NKAIN2: variants seen among roughly 807,000 people sequenced by gnomAD.
NKAIN2 encodes sodium/potassium transporting ATPase interacting 2, also known as sodium/potassium-transporting ATPase subunit beta-1-interacting protein 2.
NKAIN2 carries 14 observed loss-of-function variants against 32.6 expected under a neutral mutation model. The observed-to-expected ratio is 0.43, with a 90% CI of 0.28 to 0.67. The LOEUF (loss-of-function observed/expected upper bound fraction) is 0.67, where lower values mean the gene tolerates loss of function less well. Among genes scored for constraint, NKAIN2 ranks in the 30% least tolerant of loss-of-function variants. NKAIN2 has a pLI of 0.17. For missense variants in NKAIN2, 198 were observed against 258.3 expected, an observed-to-expected ratio of 0.77 and a Z score of 1.60; for synonymous variants, 80 against 87.2, an observed-to-expected ratio of 0.92 and a Z score of 0.46.
chr6:123,991,610 C>T (rs559278141), intron 1 of NKAIN2, among the ~76,000 whole-genome samples: 2 of 152,178 alleles, frequency 1.3e-5, no homozygotes, highest in East Asian at 3.9e-4. Flanking sequence ...TGCCTGTAAT[C>T]CCAGCACTTT....
chr6:124,606,355 AAG>A (rs967709662), intron 3 of NKAIN2, among the ~76,000 whole-genome samples: 1 of 152,060 alleles, frequency 6.6e-6, no homozygotes, highest in Non-Finnish European at 1.5e-5. Context: ...TACAGAGAGA[AAG>A]AGTAGAAGTG....
intron 1 of NKAIN2, chr6:123,828,813 G>T (rs1333894930): frequency 6.6e-6 from 1 of 152,260 alleles, no homozygotes; most frequent in Non-Finnish European, 1.5e-5. Flanking sequence ...CCTTACCCCA[G>T]CTGGCCTTGC....
chr6:124,301,152 T>C (rs751525921), intron 2 of NKAIN2, among the ~76,000 whole-genome samples: 12 of 152,072 alleles, frequency 7.9e-5, no homozygotes, highest in Non-Finnish European at 1.8e-4. Context: ...CTGCCCTACA[T>C]CCTAGTCACT....
chr6:123,961,630 T>C (rs1777857450), intron 1 of NKAIN2, among the ~76,000 whole-genome samples: 2 of 152,176 alleles, frequency 1.3e-5, no homozygotes, highest in Admixed American at 6.6e-5. Flanking sequence ...AAGGTTGTAT[T>C]GGAGAGATAA....
chr6:124,028,777 A>T (rs1440033840), intron 1 of NKAIN2, among the ~76,000 whole-genome samples: 3 of 147,244 alleles, frequency 2.0e-5, no homozygotes, highest in South Asian at 2.1e-4. Context: ...GTGTATATAC[A>T]TATATACGCA....
intron 1 of NKAIN2, among the ~76,000 whole-genome samples, chr6:123,919,415 G>T (rs7742038): frequency 0.33 from 49,711 of 151,848 alleles, 9,011 homozygotes; most frequent in East Asian, 0.64. Context: ...AGACAGAAAA[G>T]AAATTTTTAT....
intron 1 of NKAIN2, among the ~76,000 whole-genome samples, chr6:124,000,457 A>G (rs528753797): frequency 2.0e-5 from 3 of 152,204 alleles, no homozygotes; most frequent in Admixed American, 6.5e-5. Flanking sequence ...AAATTATAGT[A>G]AGAGTTTGAG....
chr6:124,139,121 G>A (rs370598810), intron 1 of NKAIN2, among the ~76,000 whole-genome samples: 22 of 120,836 alleles, frequency 1.8e-4, no homozygotes, highest in Non-Finnish European at 2.1e-4. Flanking sequence ...TCGCTCTGTC[G>A]CCCAGGCCGG....
chr6:124,674,582 T>G (rs966894871), intron 4 of NKAIN2, among the ~76,000 whole-genome samples: 1 of 152,020 alleles, frequency 6.6e-6, no homozygotes, highest in Non-Finnish European at 1.5e-5. Context: ...ATATCATTTG[T>G]TAAGTTTATT....
intron 4 of NKAIN2, among the ~76,000 whole-genome samples, chr6:124,729,752 A>G (rs1776558417): frequency 6.6e-6 from 1 of 151,594 alleles, no homozygotes; most frequent in South Asian, 2.1e-4. Flanking sequence ...TCAATTAGGA[A>G]AAGAGGAAGT....
intron 1 of NKAIN2, among the ~76,000 whole-genome samples, chr6:124,028,547 T>TTTAAAATAAA (rs1458999459): frequency 1.1e-4 from 16 of 150,140 alleles, no homozygotes; most frequent in Non-Finnish European, 7.4e-5. Flanking sequence ...ATAAAATAAA[T>TTTAAAATAAA]TTTAAAAAAA....
intron 2 of NKAIN2, among the ~76,000 whole-genome samples, chr6:124,310,905 C>T (rs906470898): frequency 8.6e-5 from 13 of 152,026 alleles, no homozygotes; most frequent in South Asian, 4.1e-4. Flanking sequence ...GCTTTGGTCC[C>T]GGTGTTGGTT....
intron 4 of NKAIN2, among the ~76,000 whole-genome samples, chr6:124,680,716 T>C (rs776143878): frequency 1.1e-4 from 17 of 152,036 alleles, no homozygotes; most frequent in Non-Finnish European, 2.4e-4. Flanking sequence ...CTTCATACTC[T>C]CAATGGACAA....
chr6:123,999,255 T>C (rs1035186070), intron 1 of NKAIN2, among the ~76,000 whole-genome samples: 4 of 152,046 alleles, frequency 2.6e-5, no homozygotes, highest in Middle Eastern at 3.4e-3. Context: ...TTCATGAAAA[T>C]GAGATCCTGA....
intron 4 of NKAIN2, among the ~76,000 whole-genome samples, chr6:124,667,296 TTG>T (rs1772850911): frequency 6.6e-6 from 1 of 152,086 alleles, no homozygotes; most frequent in African/African-American, 2.4e-5. Flanking sequence ...TCACCAATAA[TTG>T]TGTTTTCTTA....
intron 1 of NKAIN2, among the ~76,000 whole-genome samples, chr6:123,952,897 G>A (rs981788704): frequency 1.3e-5 from 2 of 151,942 alleles, no homozygotes; most frequent in African/African-American, 2.4e-5. Context: ...ATTAGAAACC[G>A]TTGTTGGAGA....
intron 4 of NKAIN2, among the ~76,000 whole-genome samples, chr6:124,705,353 AAT>A (rs1482951222): frequency 6.6e-6 from 1 of 152,142 alleles, no homozygotes; most frequent in Non-Finnish European, 1.5e-5. Flanking sequence ...AGAGAGGAAT[AAT>A]CTGCTGTTAG....
intron 3 of NKAIN2, among the ~76,000 whole-genome samples, chr6:124,641,788 A>G (rs1784003771): frequency 6.6e-6 from 1 of 151,656 alleles, no homozygotes; most frequent in Admixed American, 6.6e-5. Flanking sequence ...TCAAACTCCC[A>G]AGGTGATCCA....
chr6:124,398,252 CAAAAAAAAAAAAAA>C (rs869039720), intron 3 of NKAIN2, among the ~76,000 whole-genome samples: 3 of 69,088 alleles, frequency 4.3e-5, no homozygotes, highest in African/African-American at 7.7e-5. Flanking sequence ...GACTGCATCT[CAAAAAAAAAAAAAA>C]AAAAAAAAAA....
Sources: gnomAD v4.1 joint callset for allele counts (sites outside exome capture counted in the v4.1 genomes callset) on GRCh38, gnomAD v4.1.1 for gene constraint, MANE v1.5 for transcripts, NCBI Gene and HGNC (gene_info 2026-07-23, HGNC 2026-07-21) for gene names.